The following RGS6 variants were observed in gnomAD, a reference collection of about 807,000 sequenced individuals.
The protein encoded by RGS6 is regulator of G-protein signaling 6.
Under a neutral mutation model 78.5 loss-of-function variants are expected in RGS6, and 30 were observed. The observed-to-expected ratio is 0.38, with a 90% CI of 0.29 to 0.52. The LOEUF (loss-of-function observed/expected upper bound fraction) is 0.52, where lower values mean the gene tolerates loss of function less well. Ranked by LOEUF, RGS6 falls within the 20% of genes least tolerant of loss-of-function variation. The probability of loss-of-function intolerance (pLI) is 0.85; values close to 1 mark genes in which losing one functional copy is unlikely to be tolerated. For missense variants in RGS6, 495 were observed against 609.7 expected (o/e 0.81, Z 1.98); for synonymous variants, 206 against 206.0 (o/e 1.00, Z 0.00).
At chr14:72,133,250 C>T (rs2096366294) in intron 2 of RGS6, among the ~76,000 whole-genome samples, 1 of 152,082 alleles carries the variant, frequency 6.6e-6, no homozygotes, top group Non-Finnish European at 1.5e-5. Context: ...CTTTACCTAC[C>T]TTGCCTTGCT....
At chr14:72,510,107 T>C (rs2153446960) in intron 13 of RGS6, 47 bp from the exon 14 acceptor site, 1 of 1,529,116 alleles carries the variant, frequency 6.5e-7, no homozygotes, top group East Asian at 2.3e-5. Flanking sequence ...GACACGAGCT[T>C]TTCTCTGGTA....
At chr14:72,255,771 G>A (rs1392406641) in intron 2 of RGS6, among the ~76,000 whole-genome samples, 1 of 152,160 alleles carries the variant, frequency 6.6e-6, no homozygotes, top group Admixed American at 6.5e-5. Context: ...TGCTTATTTG[G>A]AAAACTTTTA....
intron 2 of RGS6, among the ~76,000 whole-genome samples, chr14:72,249,185 T>G (rs1226223247): frequency 6.6e-6 from 1 of 151,944 alleles, no homozygotes; most frequent in African/African-American, 2.4e-5. Flanking sequence ...GTTGTCTTAG[T>G]CTTCAGGCTT....
intron 2 of RGS6, among the ~76,000 whole-genome samples, chr14:72,221,674 A>C (rs1469964300): frequency 1.3e-5 from 2 of 152,182 alleles, no homozygotes; most frequent in Non-Finnish European, 2.9e-5. Context: ...CACAATCATC[A>C]GCAGTGATGA....
At chr14:72,124,534 G>A (rs1318318335) in intron 2 of RGS6, among the ~76,000 whole-genome samples, 1 of 152,174 alleles carries the variant, frequency 6.6e-6, no homozygotes, top group Non-Finnish European at 1.5e-5. Flanking sequence ...AACAGCAAGT[G>A]TGTCTTAGGC....
At chr14:72,298,431 C>CTTTT (rs1201498031) in intron 2 of RGS6, among the ~76,000 whole-genome samples, 4 of 83,742 alleles carry the variant, frequency 4.8e-5, no homozygotes, top group South Asian at 4.3e-4. Context: ...CATTAATGTT[C>CTTTT]TTTTTTTTTT....
chr14:72,471,309 G>A (rs757052718), intron 8 of RGS6, among the ~76,000 whole-genome samples: 8 of 152,154 alleles, frequency 5.3e-5, no homozygotes, highest in Non-Finnish European at 1.0e-4. Context: ...CACAAACATC[G>A]TTGTCAACCA....
intron 2 of RGS6, among the ~76,000 whole-genome samples, chr14:72,165,678 A>G (rs1266733513): frequency 6.6e-6 from 1 of 152,236 alleles, no homozygotes; most frequent in Non-Finnish European, 1.5e-5. Flanking sequence ...ATTGCTGAAA[A>G]GAACAAATGT....
At chr14:72,003,085 A>G (rs554406365) in intron 2 of RGS6, among the ~76,000 whole-genome samples, 12 of 152,332 alleles carry the variant, frequency 7.9e-5, no homozygotes, top group African/African-American at 2.4e-4. Context: ...TTTTGTTTCT[A>G]TATTTTGGAG....
intron 2 of RGS6, among the ~76,000 whole-genome samples, chr14:72,036,199 C>CGT (rs754097870): frequency 0.25 from 19,384 of 76,532 alleles, 1,309 homozygotes; most frequent in East Asian, 0.33. Context: ...TGCATGTAAA[C>CGT]ATATTATTAT....
intron 13 of RGS6, among the ~76,000 whole-genome samples, chr14:72,509,490 C>T (rs1310326532): frequency 1.3e-5 from 2 of 152,142 alleles, no homozygotes; most frequent in African/African-American, 4.8e-5. Flanking sequence ...CCTTCCCTAT[C>T]TGGAAAATGG....
chr14:72,499,537 G>A (rs1380326140), intron 13 of RGS6, among the ~76,000 whole-genome samples: 4 of 152,146 alleles, frequency 2.6e-5, no homozygotes, highest in Non-Finnish European at 5.9e-5. Flanking sequence ...GGCTGCTGTC[G>A]ATCAGATATG....
the RGS6 span, among the ~76,000 whole-genome samples, chr14:71,882,673 GA>G: frequency 6.6e-6 from 1 of 152,168 alleles, no homozygotes; most frequent in Admixed American, 6.5e-5. Flanking sequence ...CAATAGCAAT[GA>G]AAATGATTTC....
chr14:72,264,995 AG>A lies in RGS6; in HGVS notation c.85-87096del, dbSNP rs2058794270. Among the ~76,000 whole-genome samples the A allele has an allele frequency of 2.6e-5, 4 of 152,144 alleles. No homozygotes were observed. In the South Asian group the frequency reaches 8.3e-4, roughly 32 times the overall value. On this transcript the variant is annotated intron_variant, in intron 2 of 17. Coordinates refer to ENST00000553525, the MANE Select transcript of RGS6 (RefSeq NM_001204424.2). Reference sequence around the variant, plus strand: ...ATGCCTGCCAGGAGGGAGTTGGAGGAGGGGCTTAAAGGATTTTCTGGTAAAT... The same window carrying A: ...ATGCCTGCCAGGAGGGAGTTGGAGGAGGGCTTAAAGGATTTTCTGGTAAAT...
At chr14:72,523,694 CT>C (rs890622760) in intron 15 of RGS6, among the ~76,000 whole-genome samples, 3 of 152,174 alleles carry the variant, frequency 2.0e-5, no homozygotes, top group African/African-American at 7.2e-5. Flanking sequence ...ATCCGTTTAG[CT>C]TTTTTGAAAA....
chr14:72,261,446 CTATACTTTTAGTAAGTGAG>C (rs1274347573), intron 2 of RGS6, among the ~76,000 whole-genome samples: 3 of 122,858 alleles, frequency 2.4e-5, no homozygotes, highest in African/African-American at 5.3e-5. Context: ...TACGAAATTA[CTATACTTTTAGTAAGTGAG>C]TGAGTCTTAG....
intron 17 of RGS6, among the ~76,000 whole-genome samples, chr14:72,543,491 A>G (rs1272431310): frequency 6.6e-6 from 1 of 152,186 alleles, no homozygotes; most frequent in African/African-American, 2.4e-5. Context: ...GCTGTAACAT[A>G]TGAAAACCAC....
downstream of RGS6, among the ~76,000 whole-genome samples, chr14:72,570,153 AC>A (rs1439935003): frequency 1.3e-5 from 2 of 152,272 alleles, no homozygotes; most frequent in Non-Finnish European, 2.9e-5. Flanking sequence ...CAGTAAAAAT[AC>A]AAATTAAAAA....
At chr14:72,443,358 T>C (rs1350642097) in intron 3 of RGS6, among the ~76,000 whole-genome samples, 1 of 152,234 alleles carries the variant, frequency 6.6e-6, no homozygotes, top group Non-Finnish European at 1.5e-5. Context: ...AAACCTGGTT[T>C]ACTCACACAC....
Sources: allele counts gnomAD v4.1 joint callset (sites outside exome capture counted in the v4.1 genomes callset), GRCh38; gene constraint gnomAD v4.1.1; transcripts MANE v1.5; gene names NCBI Gene and HGNC (gene_info 2026-07-23, HGNC 2026-07-21).